The following KALRN variants were observed in gnomAD, a reference collection of about 807,000 sequenced individuals.
KALRN encodes the protein kalirin RhoGEF kinase.
KALRN carries 70 observed loss-of-function variants against 353.7 expected under a neutral mutation model. The observed-to-expected ratio is 0.20, with a 90% CI of 0.16 to 0.24. The LOEUF (loss-of-function observed/expected upper bound fraction) is 0.24, where lower values mean the gene tolerates loss of function less well. Among genes scored for constraint, KALRN ranks in the 10% least tolerant of loss-of-function variants. The pLI, the probability that KALRN is intolerant of heterozygous loss-of-function variation, is 1.00. For synonymous variants in KALRN, 1,391 were observed against 1,434.8 expected, an observed-to-expected ratio of 0.97 and a Z score of 0.69; for missense variants, 2,791 against 3,756.7, an observed-to-expected ratio of 0.74 and a Z score of 6.72.
chr3:124,207,948 T>G (rs1028863330), intron 1 of KALRN, among the ~76,000 whole-genome samples: 2 of 152,136 alleles, frequency 1.3e-5, no homozygotes, highest in Non-Finnish European at 2.9e-5. Context: ...TGATCACCAG[T>G]GGGGCAGGGG....
chr3:124,108,771 T>C (rs2062560892), intron 1 of KALRN, among the ~76,000 whole-genome samples: 1 of 152,160 alleles, frequency 6.6e-6, no homozygotes, highest in Admixed American at 6.6e-5. Flanking sequence ...GTGAAGTTAC[T>C]AAGATTTGGG....
chr3:124,357,090 C>T (rs2083503624), intron 10 of KALRN, among the ~76,000 whole-genome samples: 1 of 152,240 alleles, frequency 6.6e-6, no homozygotes, highest in African/African-American at 2.4e-5. Context: ...CAACCACCCA[C>T]TTGCTTGAGC....
At chr3:124,315,372 C>T (rs1320660401) in intron 6 of KALRN, among the ~76,000 whole-genome samples, 1 of 152,168 alleles carries the variant, frequency 6.6e-6, no homozygotes, top group African/African-American at 2.4e-5. Context: ...TGGCCTGGGT[C>T]CCTTCTGCAA....
intron 12 of KALRN, among the ~76,000 whole-genome samples, chr3:124,397,768 C>T (rs887196159): frequency 2.0e-5 from 3 of 152,200 alleles, no homozygotes; most frequent in Admixed American, 2.0e-4. Context: ...GCTGCACCCC[C>T]TCCTATTACT....
At chr3:124,314,121 C>T (rs2149324975) in intron 6 of KALRN, among the ~76,000 whole-genome samples, 1 of 152,110 alleles carries the variant, frequency 6.6e-6, no homozygotes, top group South Asian at 2.1e-4. Flanking sequence ...CAATGATAGA[C>T]TGGATTAAGA....
intron 59 of KALRN, among the ~76,000 whole-genome samples, chr3:124,717,587 T>C (rs1392224539): frequency 2.0e-5 from 3 of 151,578 alleles, no homozygotes; most frequent in Admixed American, 1.3e-4. Flanking sequence ...TCCCAGCAAC[T>C]TGGAAGGCTG....
At chr3:124,552,546 T>C (rs1162146307) in intron 33 of KALRN, among the ~76,000 whole-genome samples, 1 of 152,232 alleles carries the variant, frequency 6.6e-6, no homozygotes, top group African/African-American at 2.4e-5. Flanking sequence ...CCAAGAATTC[T>C]CTTCCCAGTC....
At chr3:124,332,706 C>A in intron 8 of KALRN, among the ~76,000 whole-genome samples, 1 of 152,056 alleles carries the variant, frequency 6.6e-6, no homozygotes, top group South Asian at 2.1e-4. Flanking sequence ...TGTTGGGGAA[C>A]CGAGGAAAGT....
chr3:124,035,837 GGCTGA>G (rs1365415460), intron 1 of KALRN, among the ~76,000 whole-genome samples: 1 of 152,182 alleles, frequency 6.6e-6, no homozygotes, highest in Non-Finnish European at 1.5e-5. Context: ...GCAGCCCAGT[GGCTGA>G]GCTAAGTCTG....
intron 9 of KALRN, among the ~76,000 whole-genome samples, chr3:124,340,929 T>G (rs905135223): frequency 6.6e-6 from 1 of 152,148 alleles, no homozygotes; most frequent in African/African-American, 2.4e-5. Context: ...GCACTCCAGC[T>G]TGGGCAACAG....
chr3:124,169,587 G>A (rs1157329646), intron 1 of KALRN, among the ~76,000 whole-genome samples: 4 of 152,100 alleles, frequency 2.6e-5, no homozygotes, highest in Non-Finnish European at 5.9e-5. Flanking sequence ...GAGGGAAGGA[G>A]GATCCCCTGT....
intron 15 of KALRN, 70 bp from the exon 16 acceptor site, chr3:124,430,586 T>G: frequency 1.9e-6 from 3 of 1,578,158 alleles, no homozygotes; most frequent in Non-Finnish European, 2.6e-6. Flanking sequence ...GAAGTCCCCA[T>G]GAGAGGAGGC....
intron 13 of KALRN, among the ~76,000 whole-genome samples, chr3:124,410,807 A>G (rs2092085773): frequency 6.6e-6 from 1 of 152,224 alleles, no homozygotes; most frequent in Non-Finnish European, 1.5e-5. Flanking sequence ...AGTTAAACAT[A>G]CACCTACCCT....
In KALRN at chr3:124,374,757, T is replaced by C. The variant is rs1034655205; in HGVS notation, c.1771-10088T>C. Among the ~76,000 whole-genome samples the C allele has an allele frequency of 3.3e-5, 5 of 152,178 alleles. No homozygotes were observed. In the South Asian group the frequency reaches 6.2e-4, roughly 19 times the overall value. ...ACTCCCTCCCACTGCCAGCCAAACATAGAATACAGAAAACAGGAAAAACAG... is the reference window on the plus strand; with the variant it reads ...ACTCCCTCCCACTGCCAGCCAAACACAGAATACAGAAAACAGGAAAAACAG... On this transcript the variant is annotated intron_variant, in intron 10 of 59. Coordinates refer to ENST00000682506, the MANE Select transcript of KALRN (RefSeq NM_001388419.1).
At position 124,536,664 on chromosome 3, in the gene KALRN, A is replaced by G. The variant is rs1483793054; in HGVS notation, c.4936-26179A>G. ...TATAGCAAAGGTATCCTTGAGACTCATAACTCCTAACTTATTCCATATATC... is the reference window on the plus strand; with the variant it reads ...TATAGCAAAGGTATCCTTGAGACTCGTAACTCCTAACTTATTCCATATATC... On this transcript the variant is annotated intron_variant, in intron 33 of 59. Coordinates refer to ENST00000682506, the MANE Select transcript of KALRN (RefSeq NM_001388419.1). Among the ~76,000 whole-genome samples, 7 of 152,256 alleles carry G rather than the reference A, an allele frequency of 4.6e-5. 1 individual carries two copies. Among genetic ancestry groups the G allele is most frequent in the Non-Finnish European group, 1.5e-5 (1 of 68,046 alleles).
At chr3:124,427,058 G>A (rs543406946) in intron 15 of KALRN, among the ~76,000 whole-genome samples, 2 of 152,172 alleles carry the variant, frequency 1.3e-5, no homozygotes, top group Non-Finnish European at 2.9e-5. Flanking sequence ...AATCAAGATG[G>A]ACATTTAGGA....
At chr3:124,314,021 A>G (rs775090183) in intron 6 of KALRN, among the ~76,000 whole-genome samples, 1 of 152,166 alleles carries the variant, frequency 6.6e-6, no homozygotes. Context: ...AAGGATTATA[A>G]ATCATGCTGC....
At chr3:124,222,012 T>C (rs915454481) in intron 1 of KALRN, among the ~76,000 whole-genome samples, 8 of 152,144 alleles carry the variant, frequency 5.3e-5, no homozygotes, top group African/African-American at 1.9e-4. Context: ...GCTTTGTACC[T>C]GTGAGTGGGG....
chr3:124,326,232 AG>A, intron 7 of KALRN, 61 bp downstream of exon 7: 1 of 1,450,932 alleles, frequency 6.9e-7, no homozygotes, highest in Non-Finnish European at 9.5e-7. Context: ...TGGGCAGGGG[AG>A]GGCTGGATGG....
Sources: allele counts gnomAD v4.1 joint callset (sites outside exome capture counted in the v4.1 genomes callset), GRCh38; gene constraint gnomAD v4.1.1; transcripts MANE v1.5; gene names NCBI Gene and HGNC (gene_info 2026-07-23, HGNC 2026-07-21).